Variants in LPP observed in about 807,000 individuals in gnomAD.
The protein encoded by LPP is lipoma-preferred partner.
Under a neutral mutation model 60.4 loss-of-function variants are expected in LPP, and 38 were observed. That is an observed-to-expected ratio of 0.63 (90% confidence interval 0.49 to 0.83). The LOEUF (loss-of-function observed/expected upper bound fraction) is 0.83. Among genes scored for constraint, LPP ranks in the 40% least tolerant of loss-of-function variants. LPP has a pLI of 0.00. For missense variants in LPP, 902 were observed against 783.6 expected (o/e 1.15, Z -1.80); for synonymous variants, 328 against 290.8 (o/e 1.13, Z -1.30).
intron 2 of LPP, among the ~76,000 whole-genome samples, chr3:188,262,060 A>G (rs1733840115): frequency 6.6e-6 from 1 of 152,238 alleles, no homozygotes; most frequent in South Asian, 2.1e-4. Context: ...ACTGTGCTAC[A>G]TGCTGGGGTT....
intron 2 of LPP, among the ~76,000 whole-genome samples, chr3:188,281,146 T>G (rs868185655): frequency 6.6e-6 from 1 of 152,150 alleles, no homozygotes; most frequent in African/African-American, 2.4e-5. Flanking sequence ...TTTGCACATA[T>G]GAATTATTTA....
chr3:188,486,894 G>A lies in LPP; in HGVS notation c.306+2190G>A, dbSNP rs570452669. On this transcript the variant is annotated intron_variant, in intron 5 of 11. Coordinates refer to ENST00000617246, the MANE Select transcript of LPP (RefSeq NM_001375462.1). ...ATATGAGTGATTTTTCTTAATTTTA[G>A]TCATTTTTTAATAAAATGAGGAAAT... is the stretch of plus-strand genomic sequence containing the variant. 2.1e-3 allele frequency among the ~76,000 whole-genome samples: 322 copies of A among 152,190 alleles called. 1 individual carries two copies. The highest frequency in any genetic ancestry group is 7.6e-3 in the African/African-American group (315 of 41,518).
chr3:188,615,901 C>T lies in LPP; in HGVS notation c.1113+6057C>T, dbSNP rs144232818. On this transcript the variant is annotated intron_variant, in intron 7 of 11. Coordinates refer to ENST00000617246, the MANE Select transcript of LPP (RefSeq NM_001375462.1). ...AATGTCTTATTTTGGGAGGTGGCTGCTCATACCCTTTGTCCACTTTTTGAT... is the reference window on the plus strand; with the variant it reads ...AATGTCTTATTTTGGGAGGTGGCTGTTCATACCCTTTGTCCACTTTTTGAT... Among the ~76,000 whole-genome samples, 1,122 of 152,102 alleles carry T rather than the reference C, an allele frequency of 7.4e-3. 13 individuals carry two copies. The highest frequency in any genetic ancestry group is 0.025 in the African/African-American group (1,051 of 41,512).
chr3:188,844,327 T>C (rs1760904450), intron 9 of LPP, among the ~76,000 whole-genome samples: 1 of 152,242 alleles, frequency 6.6e-6, no homozygotes, highest in Non-Finnish European at 1.5e-5. Context: ...ATGTCTGTTT[T>C]ACTTTAGGAC....
At chr3:188,799,253 T>G (rs150130138) in intron 9 of LPP, among the ~76,000 whole-genome samples, 1 of 152,258 alleles carries the variant, frequency 6.6e-6, no homozygotes, top group Admixed American at 6.5e-5. Flanking sequence ...CTTGAACCTT[T>G]TACTCTATCT....
chr3:188,644,662 C>T (rs1258211300), intron 7 of LPP, among the ~76,000 whole-genome samples: 1 of 151,720 alleles, frequency 6.6e-6, no homozygotes, highest in Non-Finnish European at 1.5e-5. Flanking sequence ...TTGAGCATTG[C>T]AAAAGAGTGG....
At chr3:188,818,358 T>G (rs1295279170) in intron 9 of LPP, among the ~76,000 whole-genome samples, 1 of 152,218 alleles carries the variant, frequency 6.6e-6, no homozygotes. Flanking sequence ...CAAGCTCTTC[T>G]GAGTATTATA....
intron 2 of LPP, among the ~76,000 whole-genome samples, chr3:188,314,784 A>G (rs902552649): frequency 6.6e-6 from 1 of 152,042 alleles, no homozygotes; most frequent in Non-Finnish European, 1.5e-5. Flanking sequence ...TGCGCCCCTG[A>G]CTCCAGCCTG....
At chr3:188,816,327 G>A (rs995184580) in intron 9 of LPP, among the ~76,000 whole-genome samples, 1 of 148,520 alleles carries the variant, frequency 6.7e-6, no homozygotes, top group Admixed American at 6.9e-5. Flanking sequence ...TCAGCCTCCC[G>A]AGTAGCTGGG....
At chr3:188,404,987 T>C (rs867418677) in intron 3 of LPP, among the ~76,000 whole-genome samples, 1 of 152,140 alleles carries the variant, frequency 6.6e-6, no homozygotes. Context: ...TCTTCAAATA[T>C]TATATGCAAT....
At chr3:188,814,573 A>C (rs1235141235) in intron 9 of LPP, among the ~76,000 whole-genome samples, 1 of 152,210 alleles carries the variant, frequency 6.6e-6, no homozygotes, top group Non-Finnish European at 1.5e-5. Flanking sequence ...AAATTAAATG[A>C]CTTTCTCTAA....
intron 2 of LPP, among the ~76,000 whole-genome samples, chr3:188,337,646 TTC>T (rs1762017742): frequency 6.6e-6 from 1 of 152,200 alleles, no homozygotes; most frequent in African/African-American, 2.4e-5. Flanking sequence ...TTTTTTCTTC[TTC>T]TGTTTTTAGT....
intron 6 of LPP, among the ~76,000 whole-genome samples, chr3:188,533,925 T>C (rs1454398406): frequency 2.0e-5 from 3 of 152,248 alleles, no homozygotes; most frequent in African/African-American, 7.2e-5. Context: ...AGATGATGTG[T>C]TTGTGTCATG....
intron 9 of LPP, among the ~76,000 whole-genome samples, chr3:188,848,594 G>C (rs1389471159): frequency 6.6e-6 from 1 of 152,216 alleles, no homozygotes; most frequent in Non-Finnish European, 1.5e-5. Flanking sequence ...TAGACATTTG[G>C]CATCATCTAG....
intron 2 of LPP, among the ~76,000 whole-genome samples, chr3:188,269,157 G>A (rs568049988): frequency 6.6e-6 from 1 of 152,306 alleles, no homozygotes; most frequent in South Asian, 2.1e-4. Flanking sequence ...ATACTGTTAA[G>A]GGTTAATAGG....
Position 188,872,624 on chromosome 3 carries a change from A to C in LPP, c.1590-19A>C. 4 of 1,613,632 alleles carry C rather than the reference A, an allele frequency of 2.5e-6. No homozygotes were observed. Among genetic ancestry groups the C allele is most frequent in the Non-Finnish European group, 3.4e-6 (4 of 1,179,868 alleles). ...TGTCGACGCGCAGTATCTAACCAGA[A>C]CTCTCTCTTCACTTTCAGGAAATTT... On this transcript the variant is annotated intron_variant, in intron 10 of 11. Transcript: ENST00000617246.
At chr3:188,183,091 A>G (rs1725599589) in intron 1 of LPP, among the ~76,000 whole-genome samples, 1 of 152,122 alleles carries the variant, frequency 6.6e-6, no homozygotes, top group Non-Finnish European at 1.5e-5. Flanking sequence ...CTGAGGACAC[A>G]CTTCACATTA....
intron 2 of LPP, among the ~76,000 whole-genome samples, chr3:188,239,300 T>A (rs1321460238): frequency 6.6e-6 from 1 of 152,186 alleles, no homozygotes; most frequent in East Asian, 1.9e-4. Flanking sequence ...AATATGGCCT[T>A]TTTGCGGATG....
chr3:188,483,193 T>A (rs73890512), intron 4 of LPP, among the ~76,000 whole-genome samples: 1 of 152,188 alleles, frequency 6.6e-6, no homozygotes, highest in Non-Finnish European at 1.5e-5. Flanking sequence ...ACCTGACAGT[T>A]CTTGGCTTAG....
Sources: gnomAD v4.1 joint callset for allele counts (sites outside exome capture counted in the v4.1 genomes callset) on GRCh38, gnomAD v4.1.1 for gene constraint, MANE v1.5 for transcripts, NCBI Gene and HGNC (gene_info 2026-07-23, HGNC 2026-07-21) for gene names.